The following SLCO2B1 variants were observed in gnomAD, a reference collection of about 807,000 sequenced individuals.
SLCO2B1 encodes the protein solute carrier organic anion transporter family member 2B1, also known as OATP-RP2.
Under a neutral mutation model 67.3 loss-of-function variants are expected in SLCO2B1, and 41 were observed. The observed-to-expected ratio is 0.61, with a 90% CI of 0.47 to 0.79. The LOEUF is 0.79. Among genes scored for constraint, SLCO2B1 ranks in the 30% least tolerant of loss-of-function variants. The pLI, the probability that SLCO2B1 is intolerant of heterozygous loss-of-function variation, is 0.00. For synonymous variants in SLCO2B1, 379 were observed against 381.4 expected (o/e 0.99, Z 0.07); for missense variants, 837 against 920.1 (o/e 0.91, Z 1.17).
Position 75,192,400 on chromosome 11 carries a change from G to A in SLCO2B1, c.1076-818G>A, listed in dbSNP as rs116404511. 7.3e-3 allele frequency among the ~76,000 whole-genome samples: 1,119 copies of A among 152,268 alleles called. 14 individuals are homozygous for A. The highest frequency in any genetic ancestry group is 0.025 in the African/African-American group (1,036 of 41,546). On this transcript the variant is annotated intron_variant, in intron 8 of 13. Transcript: ENST00000289575. ...CAATAAAACAGCTAGATGAGTGAGA[G>A]GTATAGTACGTTAGGTAGAGGGCTA...
rs773791195 is a variant in SLCO2B1, at chr11:75,165,996, T to C, written c.448+47T>C. ...CAGGAGTGGGACGTTAGCCTCTGCATTGCTTTGCGCTGGGGCCCACCCCAC... is the reference window on the plus strand; with the variant it reads ...CAGGAGTGGGACGTTAGCCTCTGCACTGCTTTGCGCTGGGGCCCACCCCAC... On this transcript the variant is annotated intron_variant, in intron 4 of 13. Transcript: ENST00000289575. 4.4e-6 allele frequency: 7 copies of C among 1,584,756 alleles called. No homozygotes were observed. In the African/African-American group the frequency reaches 8.1e-5, roughly 18 times the overall value.
chr11:75,174,712 G>A (rs1384106702), intron 7 of SLCO2B1, among the ~76,000 whole-genome samples: 2 of 152,334 alleles, frequency 1.3e-5, no homozygotes, highest in Middle Eastern at 3.4e-3. Context: ...TAAAGGTGGA[G>A]TGATGTTTAT....
chr11:75,186,710 T>A (rs1944938565), intron 7 of SLCO2B1, among the ~76,000 whole-genome samples: 1 of 152,176 alleles, frequency 6.6e-6, no homozygotes, highest in Admixed American at 6.6e-5. Flanking sequence ...TCAGCCTACA[T>A]AGCAAAATAA....
Position 75,193,305 on chromosome 11 carries a change from C to T in SLCO2B1, c.1163C>T (p.Ala388Val), listed in dbSNP as rs959270143. Reference protein sequence around the residue: ...LSQVCLSSMAAGMATFLPKFL... With the variant: ...LSQVCLSSMAVGMATFLPKFL... ...CAGGTATGCTTGTCATCCATGGCTG[C>T]GGGCATGGCCACCTTCCTGCCCAAG... Residue 388 changes from alanine to valine, a missense_variant, in exon 9 of 14, where the codon GCG becomes GTG. Transcript: ENST00000289575. The surrounding 1 kb of genome is among the most constrained non-coding windows in gnomAD (Gnocchi z 4.2). 12 of 1,614,004 alleles carry T rather than the reference C, an allele frequency of 7.4e-6. No homozygotes were observed. The highest frequency in any genetic ancestry group is 7.6e-6 in the Non-Finnish European group (9 of 1,180,012).
intron 1 of SLCO2B1, among the ~76,000 whole-genome samples, chr11:75,155,876 T>A (rs888898871): frequency 6.6e-6 from 1 of 152,002 alleles, no homozygotes; most frequent in Admixed American, 6.6e-5. Flanking sequence ...ATTTGGGGAA[T>A]GGCAAGAATC....
chr11:75,165,973 G>C (rs780957293), intron 4 of SLCO2B1, 24 bp downstream of exon 4: 3 of 1,606,256 alleles, frequency 1.9e-6, no homozygotes, highest in African/African-American at 2.7e-5. Context: ...GGGCTGGGCA[G>C]GAGTGGGACG....
intron 7 of SLCO2B1, among the ~76,000 whole-genome samples, chr11:75,178,388 C>T (rs1167551936): frequency 6.6e-6 from 1 of 152,206 alleles, no homozygotes; most frequent in Non-Finnish European, 1.5e-5. Context: ...TTCTTGGCAT[C>T]TTTCTCCGAG....
chr11:75,196,396 C>A (rs778646119), intron 9 of SLCO2B1, 118 bp from the exon 10 acceptor site: 68 of 1,027,816 alleles, frequency 6.6e-5, no homozygotes, highest in Non-Finnish European at 9.3e-5. Context: ...TGATGAAAAT[C>A]CTCTGTGTGG....
intron 2 of SLCO2B1, 178 bp downstream of exon 2, chr11:75,162,963 TGGAAG>T: frequency 1.5e-6 from 1 of 684,882 alleles, no homozygotes; most frequent in Non-Finnish European, 2.4e-6. Flanking sequence ...TTCGGGCACA[TGGAAG>T]GTGGCCAGTA....
chr11:75,196,711 C>T (rs755195648), intron 10 of SLCO2B1, 32 bp downstream of exon 10: 2 of 1,600,226 alleles, frequency 1.2e-6, no homozygotes, highest in South Asian at 1.1e-5. Flanking sequence ...AACCTCTGCC[C>T]CTCAGGACTC....
chr11:75,186,130 C>T (rs1944925989), intron 7 of SLCO2B1, among the ~76,000 whole-genome samples: 1 of 152,144 alleles, frequency 6.6e-6, no homozygotes, highest in African/African-American at 2.4e-5. Flanking sequence ...GACAAAATCT[C>T]CATCTCCCTG....
chr11:75,200,390 GA>G lies in SLCO2B1; in HGVS notation c.1763+5del. The G allele has an allele frequency of 6.3e-7, 1 of 1,587,350 alleles. No homozygotes were observed. On this transcript the variant is annotated splice_donor_region_variant and intron_variant, in intron 11 of 13. Transcript: ENST00000289575. ...CCCTCCTTCATGCTCATCCTAAGGTGAAGGTGGGGGTGGGGCAGGGGCAGGT... is the reference window on the plus strand; with the variant it reads ...CCCTCCTTCATGCTCATCCTAAGGTGAGGTGGGGGTGGGGCAGGGGCAGGT...
At chr11:75,183,191 T>C (rs1000893954) in intron 7 of SLCO2B1, among the ~76,000 whole-genome samples, 9 of 152,246 alleles carry the variant, frequency 5.9e-5, no homozygotes, top group African/African-American at 1.9e-4. Context: ...ATATCTAAAA[T>C]ATTCTTATTT....
rs774746999 is a variant in SLCO2B1 at position 75,164,119 on chromosome 11, C to T, written c.285+19C>T. On this transcript the variant is annotated intron_variant, in intron 3 of 13. Coordinates refer to ENST00000289575, the MANE Select transcript of SLCO2B1 (RefSeq NM_007256.5). ...CAACGAGGTACAGGCCCCACCCAGC[C>T]ACAGGGGTGGACACTGAGGGAGGCT... 6.2e-7 allele frequency: 1 copy of T among 1,604,460 alleles called. No individual in the cohort carries two copies. Among genetic ancestry groups the T allele is most frequent in the South Asian group, 1.1e-5 (1 of 89,152 alleles).
At chr11:75,166,463 G>A (rs1288563224) in intron 4 of SLCO2B1, among the ~76,000 whole-genome samples, 1 of 152,098 alleles carries the variant, frequency 6.6e-6, no homozygotes, top group East Asian at 1.9e-4. Context: ...CAGCCCAGTG[G>A]GATTTTGTTG....
At position 75,193,024 on chromosome 11, in the gene SLCO2B1, CAG is replaced by C. The variant is rs914563828; in HGVS notation, c.1076-186_1076-185del. On this transcript the variant is annotated intron_variant, in intron 8 of 13. Transcript: ENST00000289575. This position sits in a 1 kb window ranked among gnomAD's most constrained non-coding sequence, Gnocchi z 4.2. Reference sequence around the variant, plus strand: ...CGCCACTGCACCCCAGCCTGGGCGACAGAGAGAGAAAAAAAAAGGGACTAGAG... The same window carrying C: ...CGCCACTGCACCCCAGCCTGGGCGACAGAGAGAAAAAAAAAGGGACTAGAG... Among the ~76,000 whole-genome samples, 4 of 151,186 alleles carry C rather than the reference CAG, an allele frequency of 2.6e-5. No homozygotes were observed. Among genetic ancestry groups the C allele is most frequent in the Middle Eastern group, 3.4e-3 (1 of 294 alleles).
chr11:75,170,752 C>T (rs1393017237), intron 6 of SLCO2B1, among the ~76,000 whole-genome samples: 1 of 152,184 alleles, frequency 6.6e-6, no homozygotes, highest in Non-Finnish European at 1.5e-5. Context: ...AGGCTGGGTC[C>T]AGAGTGTGGG....
intron 8 of SLCO2B1, 30 bp downstream of exon 8, chr11:75,188,268 GC>G (rs1333913909): frequency 2.7e-6 from 4 of 1,477,350 alleles, no homozygotes; most frequent in Admixed American, 3.4e-5. Flanking sequence ...GTTATGGGGA[GC>G]CAGGGCCAGA....
At position 75,168,748 on chromosome 11, in the gene SLCO2B1, C is replaced by T. The variant is rs554985415; in HGVS notation, c.449-425C>T. Among the ~76,000 whole-genome samples, 38 of 152,258 alleles carry T rather than the reference C, an allele frequency of 2.5e-4. 1 individual carries two copies. The highest frequency in any genetic ancestry group is 8.4e-4 in the African/African-American group (35 of 41,550). ...TGCCCTTTCAAGTCCCTGGGTTTTG[C>T]GTGTACTGTGACCTCTCCCTGGAAC... On this transcript the variant is annotated intron_variant, in intron 4 of 13. Transcript: ENST00000289575.
Sources: gnomAD v4.1 joint callset for allele counts (sites outside exome capture counted in the v4.1 genomes callset) on GRCh38, gnomAD v4.1.1 for gene constraint, Gnocchi (gnomAD v3.1) non-coding constraint, MANE v1.5 for transcripts, NCBI Gene and HGNC (gene_info 2026-07-23, HGNC 2026-07-21) for gene names.